Variants in MIPOL1 observed in about 807,000 individuals in gnomAD.
The protein encoded by MIPOL1 is mirror-image polydactyly gene 1 protein.
In MIPOL1, 57 loss-of-function variants were observed where a neutral mutation model predicts 60.9. That is an observed-to-expected ratio of 0.94 (90% CI 0.76 to 1.17). The LOEUF (loss-of-function observed/expected upper bound fraction) is 1.17, where lower values mean the gene tolerates loss of function less well. Ranked by LOEUF, MIPOL1 falls within the 50% of genes most tolerant of loss-of-function variation. The probability of loss-of-function intolerance (pLI) is 0.00; values close to 1 mark genes in which losing one functional copy is unlikely to be tolerated. For synonymous variants in MIPOL1, 179 were observed against 168.8 expected, an observed-to-expected ratio of 1.06 and a Z score of -0.47; for missense variants, 551 against 511.6, an observed-to-expected ratio of 1.08 and a Z score of -0.74.
intron 12 of MIPOL1, among the ~76,000 whole-genome samples, chr14:37,509,362 A>G (rs1239902768): frequency 6.6e-6 from 1 of 151,898 alleles, no homozygotes; most frequent in African/African-American, 2.4e-5. Flanking sequence ...ACACACACAC[A>G]GACTCAAAGA....
chr14:37,392,274 G>A (rs1232600293), intron 10 of MIPOL1, among the ~76,000 whole-genome samples: 6 of 151,970 alleles, frequency 3.9e-5, no homozygotes, highest in East Asian at 1.9e-4. Flanking sequence ...TTGAACATAT[G>A]GATTTTGCAC....
At chr14:37,532,168 C>G (rs574912627) in intron 12 of MIPOL1, among the ~76,000 whole-genome samples, 3 of 152,198 alleles carry the variant, frequency 2.0e-5, no homozygotes, top group South Asian at 2.1e-4. Flanking sequence ...GTTAACAGTA[C>G]AAATATACTG....
intron 7 of MIPOL1, among the ~76,000 whole-genome samples, chr14:37,286,008 T>G (rs1594906917): frequency 6.6e-6 from 1 of 152,220 alleles, no homozygotes; most frequent in Admixed American, 6.5e-5. Flanking sequence ...CTTTCTTTAT[T>G]TCTTCATAGT....
intron 11 of MIPOL1, among the ~76,000 whole-genome samples, chr14:37,462,931 C>A (rs1027489854): frequency 6.6e-6 from 1 of 152,146 alleles, no homozygotes; most frequent in Non-Finnish European, 1.5e-5. Context: ...CCAAACTGTT[C>A]CATCCCCTGC....
chr14:37,374,746 T>TAA lies in MIPOL1; in HGVS notation c.936+5123_936+5124insAA, dbSNP rs1397470939. On this transcript the variant is annotated intron_variant, in intron 10 of 12. Coordinates refer to ENST00000684589, the MANE Select transcript of MIPOL1 (RefSeq NM_001388067.1). ...CTCTGTTCTGTTTCATTGGTCTATA[T>TAA]ATCTGTTTTCCTACAAGTACCATGC... Among the ~76,000 whole-genome samples, 3 of 152,330 alleles carry TAA rather than the reference T, an allele frequency of 2.0e-5. No homozygotes were observed. In the East Asian group the frequency reaches 5.8e-4, roughly 29 times the overall value.
intron 1 of MIPOL1, among the ~76,000 whole-genome samples, chr14:37,205,547 G>A (rs553953646): frequency 5.1e-4 from 77 of 151,966 alleles, no homozygotes; most frequent in Admixed American, 1.2e-3. Context: ...ATATACATGT[G>A]CCATGTTGGT....
intron 12 of MIPOL1, 113 bp from the exon 13 acceptor site, chr14:37,546,792 G>A (rs1471593544): frequency 1.3e-5 from 10 of 774,644 alleles, no homozygotes; most frequent in Non-Finnish European, 1.9e-5. Flanking sequence ...TTCTTAACAT[G>A]ACCGTGAGGA....
intron 12 of MIPOL1, among the ~76,000 whole-genome samples, chr14:37,524,650 C>G (rs774614134): frequency 1.3e-5 from 2 of 148,960 alleles, no homozygotes; most frequent in Non-Finnish European, 3.0e-5. Context: ...TCACTGCAAC[C>G]TCTGGCTCCC....
At chr14:37,333,910 G>C (rs1420565666) in intron 9 of MIPOL1, among the ~76,000 whole-genome samples, 2 of 151,900 alleles carry the variant, frequency 1.3e-5, no homozygotes, top group East Asian at 1.9e-4. Context: ...AGTTCACATG[G>C]AACAATAAAA....
chr14:37,351,045 C>T (rs1221587895), intron 9 of MIPOL1, among the ~76,000 whole-genome samples: 2 of 50,392 alleles, frequency 4.0e-5, no homozygotes, highest in South Asian at 6.5e-4. Context: ...TCTCCCAATG[C>T]TATCCCTCCC....
At chr14:37,332,136 C>CAAAAA (rs560503993) in intron 9 of MIPOL1, among the ~76,000 whole-genome samples, 1 of 142,388 alleles carries the variant, frequency 7.0e-6, no homozygotes. Context: ...AGACTCCTCT[C>CAAAAA]AAAAAAAAAA....
chr14:37,325,047 C>A (rs1445152997), intron 9 of MIPOL1, among the ~76,000 whole-genome samples: 1 of 152,040 alleles, frequency 6.6e-6, no homozygotes, highest in Non-Finnish European at 1.5e-5. Flanking sequence ...CGTTAAGAGT[C>A]AGATTTTTAA....
intron 9 of MIPOL1, among the ~76,000 whole-genome samples, chr14:37,332,210 T>C (rs1458234948): frequency 1.3e-5 from 2 of 152,224 alleles, no homozygotes; most frequent in Non-Finnish European, 2.9e-5. Context: ...TTATGGCCTT[T>C]GTCATGTTGA....
chr14:37,396,433 A>G (rs2093372711), intron 10 of MIPOL1, among the ~76,000 whole-genome samples: 1 of 152,130 alleles, frequency 6.6e-6, no homozygotes, highest in East Asian at 1.9e-4. Flanking sequence ...AACTTTAGAT[A>G]ACCTGATGAC....
Position 37,300,609 on chromosome 14 carries a change from A to C in MIPOL1, c.624-7447A>C, listed in dbSNP as rs2086277975. On this transcript the variant is annotated intron_variant, in intron 7 of 12. Coordinates refer to ENST00000684589, the MANE Select transcript of MIPOL1 (RefSeq NM_001388067.1). ...CAGCCTTGACCTCTTGGGCTCAAGC[A>C]GTCCTCCCACCTCAGCCTCCCCAGT... Among the ~76,000 whole-genome samples, 2 of 15,972 alleles carry C rather than the reference A, an allele frequency of 1.3e-4. 1 individual carries two copies. Among genetic ancestry groups the C allele is most frequent in the African/African-American group, 1.6e-4 (2 of 12,684 alleles). The allele number at this position is 15,972 out of a possible 152,430, so 10.5% of individuals were successfully genotyped here. A position where few individuals can be genotyped will look rare whatever the true frequency, so the allele number is the denominator to read the frequency against.
At chr14:37,215,129 T>C (rs1173807143) in intron 1 of MIPOL1, among the ~76,000 whole-genome samples, 1 of 152,164 alleles carries the variant, frequency 6.6e-6, no homozygotes, top group African/African-American at 2.4e-5. Context: ...TGGCGTAAGC[T>C]GTCTTCTCTC....
chr14:37,236,445 T>A (rs903140860), intron 1 of MIPOL1, among the ~76,000 whole-genome samples: 3 of 151,790 alleles, frequency 2.0e-5, no homozygotes, highest in African/African-American at 7.3e-5. Flanking sequence ...TTTTCTAAAT[T>A]ATTATTATTA....
intron 12 of MIPOL1, chr14:37,505,432 A>G (rs2095266296): frequency 6.6e-6 from 1 of 152,224 alleles, no homozygotes; most frequent in South Asian, 2.1e-4. Flanking sequence ...CATCCCTGGG[A>G]TGCAAGCCTG....
intron 11 of MIPOL1, among the ~76,000 whole-genome samples, chr14:37,439,997 T>C (rs540090429): frequency 1.3e-5 from 2 of 152,244 alleles, no homozygotes; most frequent in East Asian, 1.9e-4. Context: ...CACGCCACCA[T>C]GCCTGGCTAA....
Sources: allele counts gnomAD v4.1 joint callset (sites outside exome capture counted in the v4.1 genomes callset), GRCh38; gene constraint gnomAD v4.1.1; transcripts MANE v1.5; gene names NCBI Gene and HGNC (gene_info 2026-07-23, HGNC 2026-07-21).